Variants in TMPRSS3 observed in about 807,000 individuals in gnomAD.
TMPRSS3 encodes the protein transmembrane protease serine 3.
TMPRSS3 carries 55 observed loss-of-function variants against 59.6 expected under a neutral mutation model. The ratio of observed to expected loss-of-function variants is 0.92; its 90% CI spans 0.74 to 1.16. The LOEUF (loss-of-function observed/expected upper bound fraction) is 1.16. Ranked by LOEUF, TMPRSS3 falls within the 50% of genes most tolerant of loss-of-function variation. The pLI is 0.00. For missense variants in TMPRSS3, 596 were observed against 579.4 expected, an observed-to-expected ratio of 1.03 and a Z score of -0.29; for synonymous variants, 257 against 237.7, an observed-to-expected ratio of 1.08 and a Z score of -0.75.
Position 42,372,171 on chromosome 21 carries a change from G to GA in TMPRSS3, c.*590dup. The GA allele has an allele frequency of 4.6e-6, 2 of 432,702 alleles. No individual in the cohort carries two copies. Among genetic ancestry groups the GA allele is most frequent in the Non-Finnish European group, 9.4e-6 (2 of 212,934 alleles). 26.8% of individuals were successfully genotyped at this position (432,702 alleles called of 1,614,324 possible). On this transcript the variant is annotated 3_prime_UTR_variant, in exon 13 of 13. Transcript: ENST00000644384. ...GTCACATAACTGCTTATCTCGTCAG[G>GA]AATTTTGCAAGACCCCTGGAGAGAA...
At chr21:42,376,811 A>T in intron 10 of TMPRSS3, 128 bp from the exon 11 acceptor site, 1 of 1,419,438 alleles carries the variant, frequency 7.0e-7, no homozygotes, top group African/African-American at 1.4e-5. Context: ...GTGTCGCAAC[A>T]GCGGAAAAGG....
chr21:42,385,274 AG>A, intron 6 of TMPRSS3, 134 bp downstream of exon 6: 2 of 1,212,582 alleles, frequency 1.6e-6, no homozygotes, highest in Non-Finnish European at 2.4e-6. Flanking sequence ...AGTCTCATCA[AG>A]GTGGCCAACT....
chr21:42,388,375 C>T lies in TMPRSS3; in HGVS notation c.446+28G>A. ...ATTGTTATCCTCTCTGTGTTTTGCCCATGGGTTGGAAATGCTCTTTAACTT... is the reference window on the plus strand; with the variant it reads ...ATTGTTATCCTCTCTGTGTTTTGCCTATGGGTTGGAAATGCTCTTTAACTT... On this transcript the variant is annotated intron_variant, in intron 5 of 12. Transcript: ENST00000644384. The surrounding 1 kb of genome is among the most constrained non-coding windows in gnomAD (Gnocchi z 5.1). 1.9e-6 allele frequency: 3 copies of T among 1,614,196 alleles called. No individual in the cohort carries two copies. Among genetic ancestry groups the T allele is most frequent in the Non-Finnish European group, 1.7e-6 (2 of 1,180,028 alleles).
rs1301762314 is a variant in TMPRSS3, at chr21:42,385,470, AC to A, written c.510del (p.Ser171ProfsTer11). ...SLEGQFREEF[V>X]SIDHLLPDDK... ...TCATCTGGCAAGAGGTGATCGATGG[AC>A]ACAAACTCCTCCCGGAACTGCCCCT... On this transcript the variant is annotated frameshift_variant, in exon 6 of 13. Coordinates refer to ENST00000644384, the MANE Select transcript of TMPRSS3 (RefSeq NM_001256317.3). LOFTEE classifies it high-confidence loss of function. 6.2e-7 allele frequency: 1 copy of A among 1,614,178 alleles called. No homozygotes were observed.
intron 2 of TMPRSS3, chr21:42,390,287 C>T (rs991885378): frequency 2.4e-5 from 12 of 494,580 alleles, no homozygotes; most frequent in African/African-American, 2.3e-4. Context: ...AATAGTATCC[C>T]CCAGAAAGAC....
rs1365372831 is a variant in TMPRSS3, at chr21:42,382,209, T to C, written c.808A>G (p.Ile270Val). 1 of 1,614,076 alleles carries C rather than the reference T, an allele frequency of 6.2e-7. No individual in the cohort carries two copies. Among genetic ancestry groups the C allele is most frequent in the Non-Finnish European group, 8.5e-7 (1 of 1,180,028 alleles). The part of the protein sequence containing the change: ...YDLYLPKSWT[I>V]QVGLVSLLDN... ...AACAGGGAAACTAGACCCACCTGGA[T>C]GGTCCATGACTTGGGGAGGTACAAG... The change falls in exon 9 of 13, where the codon ATC becomes GTC. Residue 270 changes from isoleucine to valine, a missense_variant. Ile to Val is a conservative substitution (Grantham distance 29, BLOSUM62 3). Coordinates refer to ENST00000644384, the MANE Select transcript of TMPRSS3 (RefSeq NM_001256317.3).
rs144556872 is a variant in TMPRSS3, at chr21:42,388,458, C to G, written c.391G>C (p.Asp131His). Residue 131 changes from aspartate to histidine, a missense_variant, in exon 5 of 13, where the codon GAT (aspartate) becomes CAT (histidine). Coordinates refer to ENST00000644384, the MANE Select transcript of TMPRSS3 (RefSeq NM_001256317.3). The surrounding 1 kb of genome is among the most constrained non-coding windows in gnomAD (Gnocchi z 5.1). The stretch of plus-strand genomic sequence containing the variant: ...TTTGCGTAGTGACCCTTCCAGTCAT[C>G]GGAGCACATGGTCTTCCACGAAGCA... ...TAASWKTMCS[D>H]DWKGHYANVA... is the part of the protein sequence containing the mutation. 1 of 1,614,218 alleles carries G rather than the reference C, an allele frequency of 6.2e-7. No individual in the cohort carries two copies. Among genetic ancestry groups the G allele is most frequent in the Non-Finnish European group, 8.5e-7 (1 of 1,180,036 alleles).
intron 8 of TMPRSS3, 22 bp from the exon 9 acceptor site, chr21:42,382,256 G>A: frequency 2.5e-6 from 4 of 1,610,144 alleles, no homozygotes; most frequent in Non-Finnish European, 2.5e-6. Flanking sequence ...AGAGCAAGAG[G>A]TGAAGCACAG....
intron 9 of TMPRSS3, among the ~76,000 whole-genome samples, chr21:42,381,119 T>A (rs1302185707): frequency 6.6e-6 from 1 of 151,976 alleles, no homozygotes; most frequent in Non-Finnish European, 1.5e-5. Flanking sequence ...GGAATTAACC[T>A]ATTTATTATG....
chr21:42,383,575 T>G, intron 7 of TMPRSS3: 1 of 504,540 alleles, frequency 2.0e-6, no homozygotes, highest in South Asian at 2.0e-5. Flanking sequence ...CCTCCCTGAC[T>G]GCTCCAGACC....
Position 42,375,898 on chromosome 21 carries a change from G to A in TMPRSS3, c.1192-30C>T, listed in dbSNP as rs878923079. 3.1e-6 allele frequency: 5 copies of A among 1,612,452 alleles called. No individual in the cohort carries two copies. The South Asian group carries it at 3.3e-5, about 11-fold the overall frequency. On this transcript the variant is annotated intron_variant, in intron 11 of 12. Transcript: ENST00000644384. ...GTGACAGGAAAGAAGCAAAGATTGG[G>A]GGACAGTCACCGCCATGCGAGATTG...
chr21:42,374,585 T>C (rs930604172), intron 12 of TMPRSS3, among the ~76,000 whole-genome samples: 2 of 151,992 alleles, frequency 1.3e-5, no homozygotes, highest in African/African-American at 4.8e-5. Flanking sequence ...GGGAGAAAAG[T>C]GGAGTGGGGA....
intron 2 of TMPRSS3, among the ~76,000 whole-genome samples, chr21:42,395,093 AG>A (rs1380177405): frequency 6.6e-6 from 1 of 152,202 alleles, no homozygotes; most frequent in African/African-American, 2.4e-5. Flanking sequence ...ACCTCCAACA[AG>A]AGAAGAAAAC....
Position 42,386,218 on chromosome 21 carries a change from G to A in TMPRSS3, c.447-684C>T, listed in dbSNP as rs2052631434. On this transcript the variant is annotated intron_variant, in intron 5 of 12. Coordinates refer to ENST00000644384, the MANE Select transcript of TMPRSS3 (RefSeq NM_001256317.3). ...AACAGCCATGTTCTCCTTCCCTTGT[G>A]AAATGAACAAAACACAGTACAGTAG... 2.6e-5 allele frequency among the ~76,000 whole-genome samples: 4 copies of A among 152,184 alleles called. No homozygotes were observed. In the South Asian group the frequency reaches 8.3e-4, roughly 32 times the overall value.
chr21:42,376,027 G>A (rs1022117879), intron 11 of TMPRSS3, among the ~76,000 whole-genome samples, 159 bp from the exon 12 acceptor site: 1 of 152,160 alleles, frequency 6.6e-6, no homozygotes, highest in Non-Finnish European at 1.5e-5. Flanking sequence ...GAACCCACCA[G>A]CCCTTCCAGA....
In TMPRSS3 at chr21:42,380,148, C is replaced by G; in HGVS notation, c.1017G>C (p.Trp339Cys). 3.1e-6 allele frequency: 5 copies of G among 1,614,208 alleles called. No homozygotes were observed. Among genetic ancestry groups the G allele is most frequent in the Non-Finnish European group, 4.2e-6 (5 of 1,180,022 alleles). ...CCTCTGTGGCCCCCCATCCTGACGT[C>G]CAGCACACTTTTCCATCGGGGAAGT... The part of the protein sequence containing the change: ...EENFPDGKVC[W>C]TSGWGATEDG... The change falls in exon 10 of 13, where the codon TGG becomes TGC. Residue 339 changes from tryptophan to cysteine, a missense_variant. By Grantham distance (215) the Trp-to-Cys change is radical (BLOSUM62 -2). Coordinates refer to ENST00000644384, the MANE Select transcript of TMPRSS3 (RefSeq NM_001256317.3).
intron 12 of TMPRSS3, among the ~76,000 whole-genome samples, chr21:42,373,962 A>G (rs970633576): frequency 2.0e-5 from 3 of 152,138 alleles, no homozygotes; most frequent in Non-Finnish European, 2.9e-5. Flanking sequence ...TTTTAGGATC[A>G]CCAGCTCAGT....
rs1238716535 is a variant in TMPRSS3, at chr21:42,383,073, T to A, written c.742A>T (p.Thr248Ser). The A allele has an allele frequency of 1.2e-6, 2 of 1,613,936 alleles. No individual in the cohort carries two copies. The highest frequency in any genetic ancestry group is 4.5e-5 in the East Asian group (2 of 44,884). Residue 248 changes from threonine (T) to serine (S), a missense_variant, in exon 8 of 13, where the codon ACG (threonine) becomes TCG (serine). Thr to Ser is a moderately conservative substitution (Grantham distance 58). Coordinates refer to ENST00000644384, the MANE Select transcript of TMPRSS3 (RefSeq NM_001256317.3). ...GCAGCAGTGATGATCCACAGGGGCG[T>A]GATGACAGAGCCCCCGCACAGGTGG... Reference protein sequence around the residue: ...GYHLCGGSVITPLWIITAAHC... With the variant: ...GYHLCGGSVISPLWIITAAHC...
At chr21:42,392,461 G>A (rs995678380) in intron 2 of TMPRSS3, among the ~76,000 whole-genome samples, 11 of 152,236 alleles carry the variant, frequency 7.2e-5, no homozygotes, top group African/African-American at 2.4e-4. Context: ...GGCAAGTTCT[G>A]TGTTTTAGGC....
Sources: gnomAD v4.1 joint callset for allele counts (sites outside exome capture counted in the v4.1 genomes callset) on GRCh38, gnomAD v4.1.1 for gene constraint, Gnocchi (gnomAD v3.1) non-coding constraint, MANE v1.5 for transcripts, NCBI Gene and HGNC (gene_info 2026-07-23, HGNC 2026-07-21) for gene names.